MYO9B: variants seen among roughly 807,000 people sequenced by gnomAD.
MYO9B encodes myosin IXB, also known as unconventional myosin-IXb.
MYO9B carries 71 observed loss-of-function variants against 229.5 expected under a neutral mutation model. That is an observed-to-expected ratio of 0.31 (90% CI 0.26 to 0.38). The LOEUF is 0.38. MYO9B is among the 10% of genes least tolerant of loss of function. The pLI is 1.00. For synonymous variants in MYO9B, 1,185 were observed against 1,235.8 expected, an observed-to-expected ratio of 0.96 and a Z score of 0.86; for missense variants, 2,255 against 2,920.5, an observed-to-expected ratio of 0.77 and a Z score of 5.25.
At chr19:17,077,651 A>G (rs1168184157) in intron 1 of MYO9B, among the ~76,000 whole-genome samples, 1 of 152,054 alleles carries the variant, frequency 6.6e-6, no homozygotes, top group Non-Finnish European at 1.5e-5. Context: ...AAATGAATGA[A>G]TTGACCTCCA....
intron 30 of MYO9B, 27 bp from the exon 31 acceptor site, chr19:17,205,234 CTG>C: frequency 6.2e-7 from 1 of 1,608,374 alleles, no homozygotes; most frequent in Non-Finnish European, 8.5e-7. Context: ...CCAGCACCCT[CTG>C]TGACTCCCAC....
chr19:17,091,353 G>C lies in MYO9B; in HGVS notation c.-58-10307G>C, dbSNP rs570574929. Among the ~76,000 whole-genome samples the C allele has an allele frequency of 4.7e-4, 71 of 152,336 alleles. 1 individual carries two copies. The South Asian group carries it at 0.014, about 31-fold the overall frequency. On this transcript the variant is annotated intron_variant, in intron 1 of 39. Transcript: ENST00000682292. ...CAATCCCCCTGCCTCGGCCTCCCGA[G>C]TAGCTGGGATTATAGATGTGCACCA...
intron 15 of MYO9B, among the ~76,000 whole-genome samples, chr19:17,181,441 C>T (rs1302350043): frequency 6.6e-6 from 1 of 152,216 alleles, no homozygotes; most frequent in Non-Finnish European, 1.5e-5. Flanking sequence ...AGAGGGTGGC[C>T]CTGATCTCTG....
At chr19:17,201,247 T>C (rs1040954606) in intron 26 of MYO9B, among the ~76,000 whole-genome samples, 1 of 151,136 alleles carries the variant, frequency 6.6e-6, no homozygotes, top group Non-Finnish European at 1.5e-5. Flanking sequence ...AAAATAATAA[T>C]GCATATTTGG....
At chr19:17,116,424 G>T (rs970752937) in intron 2 of MYO9B, among the ~76,000 whole-genome samples, 1 of 152,248 alleles carries the variant, frequency 6.6e-6, no homozygotes, top group Non-Finnish European at 1.5e-5. Flanking sequence ...GGAGCTCAGA[G>T]GGTGTACTGG....
rs774816174 is a variant in MYO9B, at chr19:17,200,640, C to G, written c.4374C>G (p.Ala1458=). The stretch of plus-strand genomic sequence containing the variant: ...CGGCTGCTTCCTGTCCCCCCTCAGC[C>G]CCCTCCGGACAGCAGCATCGCCACG... ...EATTMKKGLE[A]PSGQQHRHAA... Residue 1458 remains alanine, a splice_region_variant and synonymous_variant, in exon 26 of 40, where the codon GCC becomes GCG. Coordinates refer to ENST00000682292, the MANE Select transcript of MYO9B (RefSeq NM_004145.4). 1.1e-5 allele frequency: 18 copies of G among 1,611,634 alleles called. No individual in the cohort carries two copies. Among genetic ancestry groups the G allele is most frequent in the Middle Eastern group, 1.6e-4 (1 of 6,078 alleles).
chr19:17,213,034 C>A lies in MYO9B; in HGVS notation c.*724C>A, dbSNP rs1230412483. The A allele has an allele frequency of 6.6e-6, 1 of 152,340 alleles. No homozygotes were observed. Among genetic ancestry groups the A allele is most frequent in the East Asian group, 1.9e-4 (1 of 5,198 alleles). The allele number at this position is 152,340 out of a possible 1,614,324, so 9.4% of individuals were successfully genotyped here. On this transcript the variant is annotated 3_prime_UTR_variant, in exon 40 of 40. Transcript: ENST00000682292. ...CTGTCACTCTTCCGGACGCCAAGGG[C>A]TGCAGGAGGCTGCTTTTGGCACTAC...
Position 17,205,215 on chromosome 19 carries a change from C to G in MYO9B, c.4991-48C>G, listed in dbSNP as rs769671903. On this transcript the variant is annotated intron_variant, in intron 30 of 39. Transcript: ENST00000682292. ...CAGCTGGGTGGGTGGCTGCAGGAAT[C>G]TGGGGTCCCCAGCACCCTCTGTGAC... The G allele has an allele frequency of 5.2e-6, 8 of 1,531,828 alleles. No homozygotes were observed. The Admixed American group carries it at 1.2e-4, about 23-fold the overall frequency. 94.9% of individuals were successfully genotyped at this position (1,531,828 alleles called of 1,614,324 possible).
intron 35 of MYO9B, chr19:17,207,522 A>T (rs1327069804): frequency 2.3e-5 from 4 of 177,630 alleles, no homozygotes; most frequent in African/African-American, 9.5e-5. Context: ...TCCAAATTTA[A>T]ATTTTTAAAT....
intron 2 of MYO9B, among the ~76,000 whole-genome samples, chr19:17,140,650 G>A (rs1304252811): frequency 2.0e-5 from 3 of 151,598 alleles, no homozygotes; most frequent in Admixed American, 6.6e-5. Context: ...CACCATGCCC[G>A]GCTAATTTTG....
chr19:17,189,137 G>A (rs1200681394), intron 19 of MYO9B, among the ~76,000 whole-genome samples: 1 of 150,194 alleles, frequency 6.7e-6, no homozygotes, highest in East Asian at 2.0e-4. Context: ...CTGCAGCCTG[G>A]CCAACAAGAG....
At chr19:17,170,109 C>A (rs1315165507) in intron 11 of MYO9B, among the ~76,000 whole-genome samples, 2 of 151,706 alleles carry the variant, frequency 1.3e-5, no homozygotes, top group Non-Finnish European at 2.9e-5. Flanking sequence ...ATTGCCCAGG[C>A]TAGTCTTGAA....
In MYO9B at chr19:17,212,355, A is replaced by C. The variant is rs1162046889; in HGVS notation, c.*45A>C. The C allele has an allele frequency of 1.4e-6, 2 of 1,423,082 alleles. No homozygotes were observed. Among genetic ancestry groups the C allele is most frequent in the Non-Finnish European group, 1.8e-6 (2 of 1,092,414 alleles). 88.2% of individuals were successfully genotyped at this position (1,423,082 alleles called of 1,614,324 possible). A position where few individuals can be genotyped will look rare whatever the true frequency, so the allele number is the denominator to read the frequency against. ...CTGCATGTCCGAGGACGGCCCCTGC[A>C]CTGGAGCTGGGCGCCAGAGCTGCAG... On this transcript the variant is annotated 3_prime_UTR_variant, in exon 40 of 40. Transcript: ENST00000682292. This position sits in a 1 kb window ranked among gnomAD's most constrained non-coding sequence, Gnocchi z 5.4.
chr19:17,206,761 G>C lies in MYO9B; in HGVS notation c.5469G>C (p.Glu1823Asp). The change falls in exon 34 of 40, where the codon GAG becomes GAC. Residue 1823 changes from glutamate to aspartate, a missense_variant. Glu to Asp is a conservative substitution (Grantham distance 45, BLOSUM62 2). This residue lies in a region of MYO9B where 416 missense variants were observed against 605.5 expected (regional missense o/e 0.69). Coordinates refer to ENST00000682292, the MANE Select transcript of MYO9B (RefSeq NM_004145.4). ...HLPEANHNSL[E>D]RLIFHLVKVA... Reference sequence around the variant, plus strand: ...CAGAAGCCAACCACAACTCCCTGGAGAGACTCATCTTCCACCTTGTCAAGC... The same window carrying C: ...CAGAAGCCAACCACAACTCCCTGGACAGACTCATCTTCCACCTTGTCAAGC... 6.3e-7 allele frequency: 1 copy of C among 1,589,340 alleles called. No individual in the cohort carries two copies. The highest frequency in any genetic ancestry group is 8.6e-7 in the Non-Finnish European group (1 of 1,168,546).
intron 2 of MYO9B, among the ~76,000 whole-genome samples, chr19:17,110,870 C>A (rs941885991): frequency 8.5e-5 from 13 of 152,118 alleles, no homozygotes; most frequent in African/African-American, 3.1e-4. Flanking sequence ...CCAGACCCCC[C>A]TCTTGGGGCA....
intron 1 of MYO9B, among the ~76,000 whole-genome samples, chr19:17,081,638 GTC>G (rs1040345668): frequency 6.6e-6 from 1 of 151,826 alleles, no homozygotes; most frequent in Admixed American, 6.6e-5. Context: ...ATGAAACCCA[GTC>G]TCTACTAAAA....
At chr19:17,093,608 G>A (rs1395196800) in intron 1 of MYO9B, among the ~76,000 whole-genome samples, 2 of 150,504 alleles carry the variant, frequency 1.3e-5, no homozygotes, top group Non-Finnish European at 2.9e-5. Context: ...TGAATACAGA[G>A]TAAGAAGTTT....
intron 2 of MYO9B, among the ~76,000 whole-genome samples, chr19:17,112,372 C>T (rs1205937918): frequency 1.3e-5 from 2 of 152,172 alleles, no homozygotes; most frequent in Non-Finnish European, 2.9e-5. Flanking sequence ...CAGGGACATC[C>T]ATCTGCACGT....
At chr19:17,082,600 T>C (rs957973476) in intron 1 of MYO9B, among the ~76,000 whole-genome samples, 1 of 151,990 alleles carries the variant, frequency 6.6e-6, no homozygotes, top group Non-Finnish European at 1.5e-5. Flanking sequence ...CACGTGGGGC[T>C]TTAATTTCCT....
Sources: allele counts gnomAD v4.1 joint callset (sites outside exome capture counted in the v4.1 genomes callset), GRCh38; gene constraint gnomAD v4.1.1; regional missense constraint gnomAD v4.1.1; non-coding constraint Gnocchi (gnomAD v3.1); transcripts MANE v1.5; gene names NCBI Gene and HGNC (gene_info 2026-07-23, HGNC 2026-07-21).